The following CHRNE variants were observed in gnomAD, a reference collection of about 807,000 sequenced individuals.
CHRNE encodes the protein cholinergic receptor nicotinic epsilon subunit.
In CHRNE, 58 loss-of-function variants were observed where a neutral mutation model predicts 56.5. The observed-to-expected ratio is 1.03, with a 90% confidence interval of 0.83 to 1.28. The LOEUF (loss-of-function observed/expected upper bound fraction) is 1.28. CHRNE is among the 50% of genes most tolerant of loss of function. CHRNE has a pLI of 0.00. For missense variants in CHRNE, 793 were observed against 688.9 expected, an observed-to-expected ratio of 1.15 and a Z score of -1.69; for synonymous variants, 385 against 297.9, an observed-to-expected ratio of 1.29 and a Z score of -3.01.
At position 4,898,891 on chromosome 17, in the gene CHRNE, C is replaced by A; in HGVS notation, c.1327G>T (p.Glu443Ter). The part of the protein sequence containing the change: ...STRDQEATGE[E>*]VSDWVRMGNA... Reference sequence around the variant, plus strand: ...CCCATGCGCACCCAGTCGGACACTTCCTGGGGAAGGGTCGGCACAGTCAGT... The same window carrying A: ...CCCATGCGCACCCAGTCGGACACTTACTGGGGAAGGGTCGGCACAGTCAGT... The change falls in exon 12 of 12, where the codon GAA (glutamate) becomes TAA (stop). Residue 443 changes from glutamate (E) to a stop codon, truncating the protein, a stop_gained and splice_region_variant. Coordinates refer to ENST00000649488, the MANE Select transcript of CHRNE (RefSeq NM_000080.4). LOFTEE classifies it high-confidence loss of function. 1 of 1,577,480 alleles carries A rather than the reference C, an allele frequency of 6.3e-7. No homozygotes were observed. Among genetic ancestry groups the A allele is most frequent in the Non-Finnish European group, 8.6e-7 (1 of 1,162,118 alleles).
At chr17:4,901,245 G>A in intron 6 of CHRNE, 55 bp from the exon 7 acceptor site, 1 of 1,574,664 alleles carries the variant, frequency 6.4e-7, no homozygotes, top group East Asian at 2.2e-5. Context: ...CCGCCGAGCT[G>A]ACAGCGGGCT....
At position 4,899,585 on chromosome 17, in the gene CHRNE, G is replaced by A. The variant is rs1417991573; in HGVS notation, c.918-3C>T. On this transcript the variant is annotated splice_polypyrimidine_tract_variant and splice_region_variant and intron_variant, in intron 8 of 11. Transcript: ENST00000649488. ...CCACCATGACGAAAATAAGGAACCT[G>A]AGGAGCCCGGAAGGCATGACATCAC... 1 of 1,569,120 alleles carries A rather than the reference G, an allele frequency of 6.4e-7. No homozygotes were observed. The highest frequency in any genetic ancestry group is 8.7e-7 in the Non-Finnish European group (1 of 1,155,726).
chr17:4,908,229 G>A (rs1438488202), intron 1 of CHRNE, among the ~76,000 whole-genome samples: 3 of 152,198 alleles, frequency 2.0e-5, no homozygotes, highest in Admixed American at 2.0e-4. Context: ...CCAACAACCT[G>A]CATAGGAGAG....
chr17:4,908,579 T>G (rs1238061469), intron 1 of CHRNE, among the ~76,000 whole-genome samples: 1 of 152,214 alleles, frequency 6.6e-6, no homozygotes, highest in East Asian at 1.9e-4. Flanking sequence ...CCTGCCGAGT[T>G]AGTGGAGTCA....
chr17:4,907,586 A>C (rs1168403877), upstream of CHRNE, among the ~76,000 whole-genome samples: 1 of 151,260 alleles, frequency 6.6e-6, no homozygotes, highest in Admixed American at 6.6e-5. Context: ...AAAAAAAAAA[A>C]AAAACACTCT....
At chr17:4,899,764 T>G in intron 8 of CHRNE, 182 bp from the exon 9 acceptor site, 3 of 1,551,230 alleles carry the variant, frequency 1.9e-6, no homozygotes, top group Non-Finnish European at 2.6e-6. Flanking sequence ...GTGGCGGCCA[T>G]GAAGGGGACC....
Position 4,898,758 on chromosome 17 carries a change from T to C in CHRNE, c.1460A>G (p.Tyr487Cys), listed in dbSNP as rs1324657150. 1 of 1,611,174 alleles carries C rather than the reference T, an allele frequency of 6.2e-7. No homozygotes were observed. Among genetic ancestry groups the C allele is most frequent in the Non-Finnish European group, 8.5e-7 (1 of 1,179,098 alleles). ...AYFNRVPDLP[Y>C]APCIQP is the part of the protein sequence containing the mutation. Reference sequence around the variant, plus strand: ...GAGCTAAGGCTGGATACACGGCGCGTAGGGGAGATCAGGCACTCGGTTGAA... The same window carrying C: ...GAGCTAAGGCTGGATACACGGCGCGCAGGGGAGATCAGGCACTCGGTTGAA... The change falls in exon 12 of 12, where the codon TAC becomes TGC. Residue 487 changes from tyrosine to cysteine, a missense_variant. Tyr to Cys is a radical substitution (Grantham distance 194). Transcript: ENST00000649488.
chr17:4,904,700 C>T (rs2661697), upstream of CHRNE, among the ~76,000 whole-genome samples: 116,208 of 152,106 alleles, frequency 0.76, 45,952 homozygotes, highest in East Asian at 0.91. Flanking sequence ...ATTGATCTCG[C>T]ACACCTGTGT....
rs1166759787 is a variant in CHRNE at position 4,903,043 on chromosome 17, C to T, written c.21G>A (p.Gly7=). Residue 7 remains glycine, a synonymous_variant, in exon 1 of 12, where the codon GGG becomes GGA. Transcript: ENST00000649488. ...CGAGAAGCCCCAAGAGGAGCAGGAC[C>T]CCAAGCGGAGCCCTTGCCATCCTGC... MARAPL[G]VLLLLGLLGR... is the part of the protein sequence containing the mutation. 2 of 1,614,024 alleles carry T rather than the reference C, an allele frequency of 1.2e-6. No individual in the cohort carries two copies. Among genetic ancestry groups the T allele is most frequent in the Non-Finnish European group, 1.7e-6 (2 of 1,180,018 alleles).
intron 8 of CHRNE, chr17:4,899,864 CCTT>C (rs1380418970): frequency 2.6e-6 from 4 of 1,549,646 alleles, no homozygotes; most frequent in African/African-American, 2.7e-5. Flanking sequence ...CACCTCGAGA[CCTT>C]CTGGGTAGGT....
At chr17:4,903,541 G>A (rs753880344), upstream of CHRNE, among the ~76,000 whole-genome samples, 3 of 152,124 alleles carry the variant, frequency 2.0e-5, no homozygotes, top group East Asian at 1.9e-4. Context: ...CTTTCTTGCC[G>A]ACAGAGTGGC....
At position 4,902,208 on chromosome 17, in the gene CHRNE, G is replaced by T. The variant is rs371037732; in HGVS notation, c.344+9C>A. 1 of 1,613,732 alleles carries T rather than the reference G, an allele frequency of 6.2e-7. No homozygotes were observed. On this transcript the variant is annotated intron_variant, in intron 4 of 11. Transcript: ENST00000649488. This position sits in a 1 kb window ranked among gnomAD's most constrained non-coding sequence, Gnocchi z 4.0. ...TTCCCTCCAGCCTGGCGTCTGGCCC[G>T]GTTCTCACTTGTTTTCCAGCACAAT...
In CHRNE at chr17:4,901,043, G is replaced by T. The variant is rs753951775; in HGVS notation, c.749C>A (p.Pro250His). 6.2e-7 allele frequency: 1 copy of T among 1,614,032 alleles called. No individual in the cohort carries two copies. The highest frequency in any genetic ancestry group is 8.5e-7 in the Non-Finnish European group (1 of 1,179,962). ...CACCAGGCCCGAGATGAGCACACAGGGCACGATGATGTTAATGACGTAGAA... is the reference window on the plus strand; with the variant it reads ...CACCAGGCCCGAGATGAGCACACAGTGCACGATGATGTTAATGACGTAGAA... ...PLFYVINIIV[P>H]CVLISGLVLL... Residue 250 changes from proline (P) to histidine (H), a missense_variant, in exon 7 of 12, where the codon CCC becomes CAC. Physicochemically the swap from Pro to His is moderately conservative, Grantham distance 77. Coordinates refer to ENST00000649488, the MANE Select transcript of CHRNE (RefSeq NM_000080.4).
At chr17:4,903,897 G>A (rs775189808), upstream of CHRNE, among the ~76,000 whole-genome samples, 3 of 152,144 alleles carry the variant, frequency 2.0e-5, no homozygotes, top group Non-Finnish European at 4.4e-5. Flanking sequence ...TCGCTCTGGC[G>A]CCCAGACTGG....
chr17:4,901,849 AGGGCGGTGCTTCCCGGTTGGCC>A, intron 5 of CHRNE, 61 bp downstream of exon 5: 3 of 1,563,030 alleles, frequency 1.9e-6, no homozygotes, highest in Non-Finnish European at 2.6e-6. Context: ...CCCCGCCCCG[AGGGCGGTGCTTCCCGGTTGGCC>A]CCGCCCCATA....
At position 4,899,111 on chromosome 17, in the gene CHRNE, G is replaced by A. The variant is rs201553105; in HGVS notation, c.1220-4C>T. On this transcript the variant is annotated splice_polypyrimidine_tract_variant and splice_region_variant and intron_variant, in intron 10 of 11. Coordinates refer to ENST00000649488, the MANE Select transcript of CHRNE (RefSeq NM_000080.4). ...CCCAGGCTCTGGCAGAAGGCAGCTG[G>A]CGGGGAAAACACCGGGGTGGGCCTT... The A allele has an allele frequency of 1.5e-5, 24 of 1,606,320 alleles. No individual in the cohort carries two copies. Among genetic ancestry groups the A allele is most frequent in the Admixed American group, 8.4e-5 (5 of 59,434 alleles).
intron 8 of CHRNE, chr17:4,900,326 G>A: frequency 1.3e-6 from 2 of 1,545,704 alleles, no homozygotes; most frequent in East Asian, 2.4e-5. Flanking sequence ...GTGCAGCGCT[G>A]AGCCGGGTAG....
chr17:4,901,439 C>T, intron 6 of CHRNE, 86 bp downstream of exon 6: 3 of 1,255,314 alleles, frequency 2.4e-6, no homozygotes, highest in Admixed American at 3.5e-5. Context: ...CCTCCAGTGT[C>T]GTTGGTCCGG....
upstream of CHRNE, among the ~76,000 whole-genome samples, chr17:4,903,547 G>A (rs898483290): frequency 6.6e-6 from 1 of 152,110 alleles, no homozygotes; most frequent in Non-Finnish European, 1.5e-5. Context: ...TGCCGACAGA[G>A]TGGCAAAAAA....
Sources: gnomAD v4.1 joint callset for allele counts (sites outside exome capture counted in the v4.1 genomes callset) on GRCh38, gnomAD v4.1.1 for gene constraint, Gnocchi (gnomAD v3.1) non-coding constraint, MANE v1.5 for transcripts, NCBI Gene and HGNC (gene_info 2026-07-23, HGNC 2026-07-21) for gene names.